The following PSD3 variants were observed in gnomAD, a reference collection of about 807,000 sequenced individuals.
PSD3 encodes the protein PH and SEC7 domain-containing protein 3.
PSD3 carries 49 observed loss-of-function variants against 105.5 expected under a neutral mutation model. That is an observed-to-expected ratio of 0.46 (90% CI 0.37 to 0.59). The LOEUF (loss-of-function observed/expected upper bound fraction) is 0.59. PSD3 is among the 20% of genes least tolerant of loss of function. The pLI is 0.00. For missense variants in PSD3, 1,561 were observed against 1,263.8 expected, an observed-to-expected ratio of 1.24 and a Z score of -3.57; for synonymous variants, 557 against 457.8, an observed-to-expected ratio of 1.22 and a Z score of -2.77.
intron 9 of PSD3, among the ~76,000 whole-genome samples, chr8:18,753,965 T>C (rs972132401): frequency 6.6e-6 from 1 of 152,182 alleles, no homozygotes; most frequent in African/African-American, 2.4e-5. Context: ...GGTTGCAACA[T>C]TTTCTCTTTA....
chr8:18,650,678 G>A (rs73213641), intron 10 of PSD3, among the ~76,000 whole-genome samples: 4,180 of 152,302 alleles, frequency 0.027, 76 homozygotes, highest in Non-Finnish European at 0.044. Flanking sequence ...GCCAGGCACA[G>A]GAGAAGCTGG....
chr8:19,026,431 A>G (rs1325459286), intron 1 of PSD3, among the ~76,000 whole-genome samples: 2 of 152,172 alleles, frequency 1.3e-5, no homozygotes, highest in South Asian at 2.1e-4. Flanking sequence ...GCTGTCTCTC[A>G]GTGTTCTGAA....
chr8:18,813,300 C>T (rs535416292), intron 4 of PSD3, among the ~76,000 whole-genome samples: 5 of 152,206 alleles, frequency 3.3e-5, no homozygotes, highest in Admixed American at 6.5e-5. Flanking sequence ...AACAAGCACT[C>T]GTGGAAGACC....
At chr8:18,550,064 G>C (rs950975360) in intron 15 of PSD3, among the ~76,000 whole-genome samples, 1 of 152,116 alleles carries the variant, frequency 6.6e-6, no homozygotes, top group African/African-American at 2.4e-5. Flanking sequence ...CAGCTTTCTT[G>C]TCCTTTTCCT....
At position 18,644,967 on chromosome 8, in the gene PSD3, T is replaced by A. The variant is rs532877921; in HGVS notation, c.2216+10675A>T. ...GGGGTCTTCTCTAACCCCCACCTGC[T>A]CTCTTGTGCTTTGCTGCCCTTCTCC... On this transcript the variant is annotated intron_variant, in intron 10 of 15. Coordinates refer to ENST00000327040, the MANE Select transcript of PSD3 (RefSeq NM_015310.4). 6.6e-5 allele frequency among the ~76,000 whole-genome samples: 10 copies of A among 152,314 alleles called. No homozygotes were observed. In the East Asian group the frequency reaches 1.9e-3, roughly 29 times the overall value.
chr8:18,850,766 C>T (rs17127318), intron 4 of PSD3, among the ~76,000 whole-genome samples: 5,380 of 152,204 alleles, frequency 0.035, 111 homozygotes, highest in Admixed American at 0.069. Flanking sequence ...CATGAGAGGA[C>T]GCGACTCTTC....
At chr8:18,775,572 T>C (rs1807979185) in intron 8 of PSD3, among the ~76,000 whole-genome samples, 1 of 152,254 alleles carries the variant, frequency 6.6e-6, no homozygotes, top group Non-Finnish European at 1.5e-5. Context: ...GGTTTTGATT[T>C]GCATTTCCCT....
chr8:18,703,569 G>A (rs1048986091), intron 9 of PSD3, among the ~76,000 whole-genome samples: 19 of 152,092 alleles, frequency 1.2e-4, no homozygotes, highest in African/African-American at 4.3e-4. Context: ...CCAGAGAAAA[G>A]AGATCCCATA....
At chr8:18,879,434 C>T (rs531664682) in intron 2 of PSD3, among the ~76,000 whole-genome samples, 5 of 152,154 alleles carry the variant, frequency 3.3e-5, no homozygotes, top group East Asian at 1.9e-4. Context: ...TTCTGAGAGG[C>T]GAAAGGACCT....
At chr8:18,727,047 G>A (rs766415363) in intron 9 of PSD3, among the ~76,000 whole-genome samples, 4 of 151,670 alleles carry the variant, frequency 2.6e-5, no homozygotes, top group African/African-American at 7.3e-5. Flanking sequence ...TATAAAAATC[G>A]TCCAGGCAGG....
At chr8:18,983,966 C>A (rs1293098812) in intron 1 of PSD3, among the ~76,000 whole-genome samples, 6 of 149,720 alleles carry the variant, frequency 4.0e-5, no homozygotes, top group Non-Finnish European at 7.4e-5. Context: ...GATTGTGCTA[C>A]CATACTCCAG....
chr8:18,657,005 T>C (rs930792822), intron 9 of PSD3, among the ~76,000 whole-genome samples: 3 of 152,232 alleles, frequency 2.0e-5, no homozygotes, highest in African/African-American at 7.2e-5. Context: ...ATTATGATGA[T>C]GTTGGAACAT....
At chr8:18,701,511 T>C (rs1801580962) in intron 9 of PSD3, among the ~76,000 whole-genome samples, 1 of 152,156 alleles carries the variant, frequency 6.6e-6, no homozygotes, top group South Asian at 2.1e-4. Context: ...AATCACATCG[T>C]TTATCAATAG....
chr8:18,618,181 A>T, intron 11 of PSD3, among the ~76,000 whole-genome samples: 2 of 151,954 alleles, frequency 1.3e-5, no homozygotes, highest in South Asian at 4.2e-4. Context: ...GCAATTGACA[A>T]TCAGGAAATC....
At chr8:18,591,833 C>G (rs1324788415) in intron 12 of PSD3, among the ~76,000 whole-genome samples, 1 of 152,114 alleles carries the variant, frequency 6.6e-6, no homozygotes, top group Non-Finnish European at 1.5e-5. Flanking sequence ...GCTCTAAAAT[C>G]AGATAACTTG....
intron 14 of PSD3, among the ~76,000 whole-genome samples, chr8:18,566,778 T>C (rs1489974792): frequency 1.3e-5 from 2 of 152,350 alleles, no homozygotes; most frequent in Non-Finnish European, 2.9e-5. Context: ...ATTGTGATTA[T>C]ACTACATATG....
intron 10 of PSD3, among the ~76,000 whole-genome samples, chr8:18,647,283 T>C (rs923462336): frequency 6.6e-6 from 1 of 152,194 alleles, no homozygotes; most frequent in African/African-American, 2.4e-5. Context: ...TCATAACACA[T>C]GACTGGAAGG....
intron 4 of PSD3, among the ~76,000 whole-genome samples, chr8:18,841,301 GA>G (rs766478274): frequency 1.3e-5 from 2 of 152,150 alleles, no homozygotes; most frequent in Non-Finnish European, 2.9e-5. Context: ...TATTCTCAGC[GA>G]GGGCAGCCCA....
At chr8:18,831,794 G>A (rs1015344601) in intron 4 of PSD3, among the ~76,000 whole-genome samples, 7 of 152,030 alleles carry the variant, frequency 4.6e-5, no homozygotes, top group Non-Finnish European at 1.0e-4. Flanking sequence ...AAGACATGTT[G>A]CAAATAAATA....
Sources: gnomAD v4.1 joint callset for allele counts (sites outside exome capture counted in the v4.1 genomes callset) on GRCh38, gnomAD v4.1.1 for gene constraint, MANE v1.5 for transcripts, NCBI Gene and HGNC (gene_info 2026-07-23, HGNC 2026-07-21) for gene names.